The following USP7 variants were observed in gnomAD, a reference collection of about 807,000 sequenced individuals.
The protein encoded by USP7 is ubiquitin specific peptidase 7.
In USP7, 9 loss-of-function variants were observed where a neutral mutation model predicts 162.9. That is an observed-to-expected ratio of 0.06 (90% CI 0.03 to 0.10). The LOEUF (loss-of-function observed/expected upper bound fraction) is 0.10, where lower values mean the gene tolerates loss of function less well. Ranked by LOEUF, USP7 falls within the 10% of genes least tolerant of loss-of-function variation. The probability of loss-of-function intolerance (pLI) is 1.00; values close to 1 mark genes in which losing one functional copy is unlikely to be tolerated. For synonymous variants in USP7, 562 were observed against 475.9 expected (o/e 1.18, Z -2.35); for missense variants, 715 against 1,373.7 (o/e 0.52, Z 7.58).
chr16:8,897,143 A>T, intron 25 of USP7, 44 bp from the exon 26 acceptor site: 1 of 1,434,134 alleles, frequency 7.0e-7, no homozygotes, highest in Non-Finnish European at 9.8e-7. Context: ...AGAAAGCATA[A>T]AAGGTCTGCT....
chr16:8,907,696 G>A (rs1426556136), intron 12 of USP7, among the ~76,000 whole-genome samples: 1 of 152,016 alleles, frequency 6.6e-6, no homozygotes, highest in Non-Finnish European at 1.5e-5. Context: ...ACAAAAATTA[G>A]CCAGGTACTT....
At chr16:8,950,499 C>G (rs1189543020) in intron 1 of USP7, among the ~76,000 whole-genome samples, 1 of 152,188 alleles carries the variant, frequency 6.6e-6, no homozygotes, top group Non-Finnish European at 1.5e-5. Context: ...TCTCCAGACC[C>G]CTTACCCCAA....
In USP7 at chr16:8,921,332, A is replaced by G. The variant is rs142200910; in HGVS notation, c.384-37T>C. ...AATAATCTGAGCCTTAGTTGACATT[A>G]TTTACCAGATGTTATACATTTTTAA... On this transcript the variant is annotated intron_variant, in intron 3 of 30. Coordinates refer to ENST00000344836, the MANE Select transcript of USP7 (RefSeq NM_003470.3). 60 of 1,601,214 alleles carry G rather than the reference A, an allele frequency of 3.7e-5. No homozygotes were observed. The African/African-American group carries it at 5.6e-4, about 15-fold the overall frequency.
intron 5 of USP7, among the ~76,000 whole-genome samples, chr16:8,919,590 A>C (rs934141065): frequency 6.6e-6 from 1 of 152,128 alleles, no homozygotes; most frequent in Non-Finnish European, 1.5e-5. Flanking sequence ...TCAGACTTCT[A>C]AACTCCCAGA....
rs191091457 is a variant in USP7 at position 8,897,882 on chromosome 16, G to A, written c.2718+478C>T. Among the ~76,000 whole-genome samples, 708 of 150,962 alleles carry A rather than the reference G, an allele frequency of 4.7e-3. 8 individuals carry two copies. Among genetic ancestry groups the A allele is most frequent in the African/African-American group, 0.017 (678 of 41,006 alleles). ...CCACTGCACTCCAGCCTGGGTGACA[G>A]AGCGAGACCCTGTCTCGAAAAAGAA... On this transcript the variant is annotated intron_variant, in intron 25 of 30. Coordinates refer to ENST00000344836, the MANE Select transcript of USP7 (RefSeq NM_003470.3).
chr16:8,909,928 A>G (rs762801682), intron 11 of USP7, among the ~76,000 whole-genome samples: 5 of 151,876 alleles, frequency 3.3e-5, no homozygotes, highest in Non-Finnish European at 7.4e-5. Context: ...TCCGTCTCAG[A>G]AAAAAAAGCA....
chr16:8,929,503 GCCCGTGACTGATGGTTTCTTTCAACTGC>G (rs1260571038), intron 2 of USP7: 1 of 456,042 alleles, frequency 2.2e-6, no homozygotes, highest in Non-Finnish European at 4.4e-6. Flanking sequence ...TGGTGGTGCA[GCCCGTGACTGATGGTTTCTTTCAACTGC>G]CCCGTTACTC....
At chr16:8,894,176 T>TG in intron 30 of USP7, 72 bp from the exon 31 acceptor site, 9 of 1,392,852 alleles carry the variant, frequency 6.5e-6, no homozygotes, top group Non-Finnish European at 9.2e-6. Flanking sequence ...TGGTGGCCAG[T>TG]GAGGCATGCA....
chr16:8,920,525 C>A, intron 4 of USP7, 78 bp from the exon 5 acceptor site: 1 of 1,233,456 alleles, frequency 8.1e-7, no homozygotes, highest in Non-Finnish European at 1.1e-6. Context: ...ACATTAGTGC[C>A]CTGTACTTAA....
rs144547509 is a variant in USP7, at chr16:8,925,342, C to A, written c.185-1929G>T. Reference sequence around the variant, plus strand: ...TACTAGCTTGCCCGCTTTATGAAGCCCATGTATACAGAACTGCACAGAAGC... The same window carrying A: ...TACTAGCTTGCCCGCTTTATGAAGCACATGTATACAGAACTGCACAGAAGC... On this transcript the variant is annotated intron_variant, in intron 2 of 30. Transcript: ENST00000344836. Among the ~76,000 whole-genome samples, 645 of 152,180 alleles carry A rather than the reference C, an allele frequency of 4.2e-3. 6 individuals are homozygous for A. Among genetic ancestry groups the A allele is most frequent in the African/African-American group, 0.014 (601 of 41,496 alleles).
At chr16:8,940,098 C>CA (rs35628437) in intron 1 of USP7, among the ~76,000 whole-genome samples, 2,743 of 145,256 alleles carry the variant, frequency 0.019, 37 homozygotes, top group Non-Finnish European at 0.031. Flanking sequence ...ACTCTGTCTC[C>CA]AAAAAAAAAA....
At chr16:8,960,307 T>C (rs945135365) in intron 1 of USP7, among the ~76,000 whole-genome samples, 1 of 152,110 alleles carries the variant, frequency 6.6e-6, no homozygotes, top group Non-Finnish European at 1.5e-5. Flanking sequence ...ACCTCTTCCC[T>C]CTCCGCACTT....
chr16:8,931,548 G>A (rs181087280), intron 1 of USP7, among the ~76,000 whole-genome samples: 1 of 152,182 alleles, frequency 6.6e-6, no homozygotes, highest in Non-Finnish European at 1.5e-5. Context: ...AAAGATCCGG[G>A]AAAGTGTTTA....
chr16:8,903,248 T>A lies in USP7; in HGVS notation c.1839+20A>T, dbSNP rs2061806459. On this transcript the variant is annotated intron_variant, in intron 16 of 30. Transcript: ENST00000344836. Reference sequence around the variant, plus strand: ...ACGTTGGGAGCCACGGTGGGGTATATCCACGGGACCGGTACGCACCATGGT... The same window carrying A: ...ACGTTGGGAGCCACGGTGGGGTATAACCACGGGACCGGTACGCACCATGGT... 6.2e-7 allele frequency: 1 copy of A among 1,602,420 alleles called. No homozygotes were observed. Among genetic ancestry groups the A allele is most frequent in the African/African-American group, 1.3e-5 (1 of 74,580 alleles).
At chr16:8,914,218 A>C (rs868002990) in intron 10 of USP7, among the ~76,000 whole-genome samples, 1 of 152,096 alleles carries the variant, frequency 6.6e-6, no homozygotes, top group African/African-American at 2.4e-5. Context: ...AAGGAAATAC[A>C]AACTAAAATG....
At chr16:8,950,326 C>G (rs573865323) in intron 1 of USP7, among the ~76,000 whole-genome samples, 1 of 152,174 alleles carries the variant, frequency 6.6e-6, no homozygotes, top group South Asian at 2.1e-4. Context: ...AGATGGGACC[C>G]AGTGCTCTCT....
intron 1 of USP7, among the ~76,000 whole-genome samples, chr16:8,954,217 C>T (rs996204661): frequency 2.1e-5 from 3 of 145,926 alleles, no homozygotes; most frequent in Non-Finnish European, 3.0e-5. Context: ...CCCCCTGCGG[C>T]GCCACTGGAG....
chr16:8,936,626 C>T, intron 1 of USP7: 1 of 1,558,084 alleles, frequency 6.4e-7, no homozygotes, highest in East Asian at 2.3e-5. Context: ...CTGCATGGCT[C>T]TGCAGTGGCC....
At chr16:8,915,054 G>C (rs2062007810) in intron 10 of USP7, among the ~76,000 whole-genome samples, 200 bp downstream of exon 10, 2 of 152,190 alleles carry the variant, frequency 1.3e-5, no homozygotes, top group South Asian at 2.1e-4. Flanking sequence ...TGGTGGCTGG[G>C]AAGGGCTGTG....
Sources: gnomAD v4.1 joint callset for allele counts (sites outside exome capture counted in the v4.1 genomes callset) on GRCh38, gnomAD v4.1.1 for gene constraint, MANE v1.5 for transcripts, NCBI Gene and HGNC (gene_info 2026-07-23, HGNC 2026-07-21) for gene names.